DPH6: variants seen among roughly 807,000 people sequenced by gnomAD.
The protein encoded by DPH6 is diphthine--ammonia ligase.
Under a neutral mutation model 38.2 loss-of-function variants are expected in DPH6, and 33 were observed. That is an observed-to-expected ratio of 0.86 (90% CI 0.65 to 1.15). The LOEUF is 1.15. Ranked by LOEUF, DPH6 falls within the 50% of genes most tolerant of loss-of-function variation. The pLI is 0.00. For synonymous variants in DPH6, 108 were observed against 103.0 expected (o/e 1.05, Z -0.30); for missense variants, 325 against 320.0 (o/e 1.02, Z -0.12).
At chr15:35,242,580 C>A (rs1304348091) in intron 3 of DPH6, among the ~76,000 whole-genome samples, 1 of 143,122 alleles carries the variant, frequency 7.0e-6, no homozygotes, top group East Asian at 2.2e-4. Context: ...GTCAAATCAG[C>A]CAAGCATTTT....
rs755754488 is a variant in DPH6, at chr15:35,371,024, A to G, written c.*1126T>C. ...CTACACTAAAAAAAAAATGAGCTAC[A>G]TATACATGACAAGATACAGAGAAAC... On this transcript the variant is annotated 3_prime_UTR_variant, in exon 9 of 9. Transcript: ENST00000256538. 3 of 151,710 alleles carry G rather than the reference A, an allele frequency of 2.0e-5. No homozygotes were observed. Among genetic ancestry groups the G allele is most frequent in the Non-Finnish European group, 1.5e-5 (1 of 67,730 alleles). The allele number at this position is 151,710 out of a possible 1,614,324, so 9.4% of individuals were successfully genotyped here.
chr15:35,448,451 T>C (rs1262163112), intron 5 of DPH6, among the ~76,000 whole-genome samples: 3 of 152,160 alleles, frequency 2.0e-5, no homozygotes, highest in Admixed American at 1.3e-4. Flanking sequence ...GTCTTGAATT[T>C]GATTGTGAAA....
chr15:35,427,396 T>A (rs186163631), intron 5 of DPH6, among the ~76,000 whole-genome samples: 45 of 152,122 alleles, frequency 3.0e-4, no homozygotes, highest in African/African-American at 1.1e-3. Context: ...GATGAGGATA[T>A]GCAATGTATT....
At chr15:35,321,395 A>T (rs2052239254) in intron 3 of DPH6, among the ~76,000 whole-genome samples, 1 of 152,260 alleles carries the variant, frequency 6.6e-6, no homozygotes, top group Non-Finnish European at 1.5e-5. Context: ...AATACATAGG[A>T]GTAAATACCA....
At chr15:35,484,994 C>T (rs566521166) in intron 3 of DPH6, among the ~76,000 whole-genome samples, 24 of 152,082 alleles carry the variant, frequency 1.6e-4, no homozygotes, top group Admixed American at 1.5e-3. Context: ...AAAAATGTCA[C>T]TAAATGAAAA....
intron 3 of DPH6, among the ~76,000 whole-genome samples, chr15:35,247,918 C>A (rs2051647117): frequency 6.6e-6 from 1 of 152,104 alleles, no homozygotes; most frequent in Non-Finnish European, 1.5e-5. Context: ...AGAGCCAAGC[C>A]TGGAACCCTG....
intron 6 of DPH6, among the ~76,000 whole-genome samples, chr15:35,388,527 T>C (rs1189092210): frequency 1.3e-5 from 2 of 152,224 alleles, no homozygotes; most frequent in Non-Finnish European, 2.9e-5. Context: ...GAGCCTGTTA[T>C]TGGTCTATTC....
chr15:35,493,978 TCTGGAACCAA>T (rs2054516236), intron 3 of DPH6, among the ~76,000 whole-genome samples: 1 of 152,136 alleles, frequency 6.6e-6, no homozygotes, highest in African/African-American at 2.4e-5. Flanking sequence ...CAGAGCAGAC[TCTGGAACCAA>T]CTGCCCAGAT....
At chr15:35,302,261 C>T (rs1296500646) in intron 3 of DPH6, among the ~76,000 whole-genome samples, 2 of 152,142 alleles carry the variant, frequency 1.3e-5, no homozygotes, top group East Asian at 1.9e-4. Flanking sequence ...TCTGTATAAC[C>T]CATTTTTCAT....
At chr15:35,206,658 C>A in the DPH6 span, among the ~76,000 whole-genome samples, 3 of 152,158 alleles carry the variant, frequency 2.0e-5, no homozygotes, top group East Asian at 5.8e-4. Flanking sequence ...GAAATACCCA[C>A]CACATATTAA....
chr15:35,349,605 T>G (rs2052492785), intron 3 of DPH6, among the ~76,000 whole-genome samples: 1 of 152,120 alleles, frequency 6.6e-6, no homozygotes, highest in South Asian at 2.1e-4. Context: ...GGCTAATTTT[T>G]GTTATTTTTA....
chr15:35,360,924 G>C (rs2052608940), intron 3 of DPH6, among the ~76,000 whole-genome samples: 1 of 152,130 alleles, frequency 6.6e-6, no homozygotes, highest in Admixed American at 6.5e-5. Flanking sequence ...TCTCCTACCA[G>C]GTCCTTGGGT....
At chr15:35,370,245 C>A (rs186247642), downstream of DPH6, among the ~76,000 whole-genome samples, 1 of 151,546 alleles carries the variant, frequency 6.6e-6, no homozygotes, top group Admixed American at 6.6e-5. Flanking sequence ...TATCAAGCTT[C>A]GACAAGATAA....
intron 3 of DPH6, among the ~76,000 whole-genome samples, chr15:35,486,248 C>T (rs2054396294): frequency 6.6e-6 from 1 of 151,966 alleles, no homozygotes. Context: ...ATGGGGGAAA[C>T]CTCTCCCATG....
rs868482650 is a variant in DPH6 at position 35,464,876 on chromosome 15, G to A, written c.313-10056C>T. ...TACTATAAAATGTACCCCATGTTGT[G>A]TTATTCATATGCAAATTTCTACTAT... On this transcript the variant is annotated intron_variant, in intron 3 of 8. Transcript: ENST00000256538. Among the ~76,000 whole-genome samples, 8 of 152,314 alleles carry A rather than the reference G, an allele frequency of 5.3e-5. 1 individual carries two copies. Among genetic ancestry groups the A allele is most frequent in the Admixed American group, 3.9e-4 (6 of 15,300 alleles).
At chr15:35,383,969 C>G (rs770206816) in intron 6 of DPH6, among the ~76,000 whole-genome samples, 10 of 152,176 alleles carry the variant, frequency 6.6e-5, no homozygotes, top group Non-Finnish European at 1.5e-4. Flanking sequence ...TGTGATAGGT[C>G]AGTTTAGGTA....
chr15:35,330,195 G>A (rs572572895), downstream of DPH6, among the ~76,000 whole-genome samples: 349 of 151,998 alleles, frequency 2.3e-3, 1 homozygote, highest in African/African-American at 8.2e-3. Context: ...TTATCATTCC[G>A]TATTCAGCCA....
the DPH6 span, among the ~76,000 whole-genome samples, chr15:35,167,929 C>T: frequency 2.6e-5 from 4 of 151,994 alleles, no homozygotes; most frequent in Non-Finnish European, 4.4e-5. Context: ...ACTTTCAATG[C>T]CACACAAGTT....
chr15:35,268,745 T>TG (rs759616681), intron 3 of DPH6, among the ~76,000 whole-genome samples: 3 of 137,350 alleles, frequency 2.2e-5, no homozygotes, highest in Non-Finnish European at 4.7e-5. Context: ...GTATAAAAAA[T>TG]GGAAAAAAAA....
Sources: gnomAD v4.1 joint callset for allele counts (sites outside exome capture counted in the v4.1 genomes callset) on GRCh38, gnomAD v4.1.1 for gene constraint, MANE v1.5 for transcripts, NCBI Gene and HGNC (gene_info 2026-07-23, HGNC 2026-07-21) for gene names.